Variants in FAM193B observed in about 807,000 individuals in gnomAD.
The protein encoded by FAM193B is protein FAM193B.
FAM193B carries 27 observed loss-of-function variants against 70.7 expected under a neutral mutation model. The ratio of observed to expected loss-of-function variants is 0.38; its 90% CI spans 0.28 to 0.53. The LOEUF (loss-of-function observed/expected upper bound fraction) is 0.53, where lower values mean the gene tolerates loss of function less well. Among genes scored for constraint, FAM193B ranks in the 20% least tolerant of loss-of-function variants. The pLI is 0.81. For synonymous variants in FAM193B, 448 were observed against 436.0 expected (o/e 1.03, Z -0.34); for missense variants, 1,022 against 1,072.5 (o/e 0.95, Z 0.66).
In FAM193B at chr5:177,519,898, AAG is replaced by A. The variant is rs895409541; in HGVS notation, c.*283_*284del. The A allele has an allele frequency of 6.6e-6, 1 of 152,196 alleles. No homozygotes were observed. The highest frequency in any genetic ancestry group is 1.5e-5 in the Non-Finnish European group (1 of 68,036). 9.4% of individuals were successfully genotyped at this position (152,196 alleles called of 1,614,324 possible). On this transcript the variant is annotated 3_prime_UTR_variant, in exon 9 of 9. Coordinates refer to ENST00000514747, the MANE Select transcript of FAM193B (RefSeq NM_001190946.3). ...AACAAAAACAAAAAAACCAAACACA[AAG>A]AGAGCAGTGTTGGGCCAGCAGTACC...
At position 177,531,598 on chromosome 5, in the gene FAM193B, G is replaced by A. The variant is rs1333813130; in HGVS notation, c.1275+845C>T. 3 of 1,125,518 alleles carry A rather than the reference G, an allele frequency of 2.7e-6. No homozygotes were observed. In the African/African-American group the frequency reaches 4.9e-5, roughly 18 times the overall value. The allele number at this position is 1,125,518 out of a possible 1,614,324, so 69.7% of individuals were successfully genotyped here. A position where few individuals can be genotyped will look rare whatever the true frequency, so the allele number is the denominator to read the frequency against. ...CAGCACTCCCTCCCACGGGCACCAA[G>A]TATGTGATGAGAAGCAAGACAACTG... On this transcript the variant is annotated intron_variant, in intron 5 of 8. Coordinates refer to ENST00000514747, the MANE Select transcript of FAM193B (RefSeq NM_001190946.3).
chr5:177,521,887 C>G, intron 8 of FAM193B, 87 bp downstream of exon 8: 1 of 1,033,746 alleles, frequency 9.7e-7, no homozygotes, highest in Non-Finnish European at 1.5e-6. Context: ...CCCTGTGCCC[C>G]AGAGCACAGA....
chr5:177,541,284 T>C (rs578257962), intron 1 of FAM193B, among the ~76,000 whole-genome samples: 2 of 152,242 alleles, frequency 1.3e-5, no homozygotes, highest in Non-Finnish European at 2.9e-5. Context: ...TAGAGTCCCT[T>C]TTCCTGCCAT....
rs532524603 is a variant in FAM193B at position 177,523,821 on chromosome 5, G to C, written c.2372+136C>G. On this transcript the variant is annotated intron_variant, in intron 7 of 8. Transcript: ENST00000514747. ...AGGCAGGCTGGTGGGAGAGGGCCTG[G>C]GGGGGCGGTGAGCCTCCCCAAGGGG... 2.5e-5 allele frequency: 23 copies of C among 917,284 alleles called. No individual in the cohort carries two copies. The South Asian group carries it at 2.8e-4, about 11-fold the overall frequency. The allele number at this position is 917,284 out of a possible 1,614,324, so 56.8% of individuals were successfully genotyped here.
intron 5 of FAM193B, among the ~76,000 whole-genome samples, chr5:177,527,035 AAC>A (rs1762716517): frequency 6.6e-6 from 1 of 152,236 alleles, no homozygotes; most frequent in African/African-American, 2.4e-5. Context: ...AGATGCTCCC[AAC>A]ACAGACTGGT....
At chr5:177,548,358 G>A (rs1765751225) in intron 1 of FAM193B, among the ~76,000 whole-genome samples, 1 of 152,214 alleles carries the variant, frequency 6.6e-6, no homozygotes, top group Admixed American at 6.5e-5. Context: ...GTAGGCACAG[G>A]TAAGTGTTTG....
chr5:177,531,812 C>T (rs1763506400), intron 5 of FAM193B: 2 of 1,047,726 alleles, frequency 1.9e-6, no homozygotes, highest in South Asian at 3.3e-5. Context: ...GGGCGAGTCA[C>T]CGAGTCTTTG....
At chr5:177,550,294 G>A (rs1043097406) in intron 1 of FAM193B, among the ~76,000 whole-genome samples, 1 of 152,162 alleles carries the variant, frequency 6.6e-6, no homozygotes, top group African/African-American at 2.4e-5. Flanking sequence ...TCCTCCTACT[G>A]ACAATGGAAG....
intron 1 of FAM193B, among the ~76,000 whole-genome samples, chr5:177,549,485 G>A (rs1395246022): frequency 2.0e-5 from 3 of 152,096 alleles, no homozygotes; most frequent in Admixed American, 6.6e-5. Context: ...GAGCCACCGC[G>A]CCCAGCCTGG....
At chr5:177,548,721 T>C (rs1234592373) in intron 1 of FAM193B, among the ~76,000 whole-genome samples, 1 of 152,076 alleles carries the variant, frequency 6.6e-6, no homozygotes, top group Non-Finnish European at 1.5e-5. Context: ...AAGGGAGAGG[T>C]GGAATCAAGC....
Position 177,524,840 on chromosome 5 carries a change from TA to T in FAM193B, c.1640del (p.Leu547TyrfsTer14). 6.6e-7 allele frequency: 1 copy of T among 1,512,420 alleles called. No homozygotes were observed. Among genetic ancestry groups the T allele is most frequent in the Non-Finnish European group, 8.8e-7 (1 of 1,133,156 alleles). The allele number at this position is 1,512,420 out of a possible 1,614,324, so 93.7% of individuals were successfully genotyped here. On this transcript the variant is annotated frameshift_variant, in exon 6 of 9. Transcript: ENST00000514747. LOFTEE classifies it high-confidence loss of function. The part of the protein sequence containing the change: ...LTLGSPQNHT[L>X]QAPGEPAPPW... ...GTGGGGCTGGCTCGCCTGGAGCTTGTAACGTGTGGTTCTGAGGGGAGCCCAA... is the reference window on the plus strand; with the variant it reads ...GTGGGGCTGGCTCGCCTGGAGCTTGTACGTGTGGTTCTGAGGGGAGCCCAA...
chr5:177,547,509 C>T (rs1341540035), intron 1 of FAM193B, among the ~76,000 whole-genome samples: 1 of 151,386 alleles, frequency 6.6e-6, no homozygotes, highest in Non-Finnish European at 1.5e-5. Flanking sequence ...TGGTCTCGAT[C>T]TCCTGACCTC....
chr5:177,528,878 T>C (rs1763033030), intron 5 of FAM193B, among the ~76,000 whole-genome samples: 1 of 152,128 alleles, frequency 6.6e-6, no homozygotes, highest in African/African-American at 2.4e-5. Context: ...GTGCTTTTCT[T>C]GAGCTGTAGA....
intron 5 of FAM193B, among the ~76,000 whole-genome samples, chr5:177,529,887 A>G (rs1263603442): frequency 6.6e-6 from 1 of 152,138 alleles, no homozygotes; most frequent in Non-Finnish European, 1.5e-5. Flanking sequence ...AGTGCTGACC[A>G]CCTTCAGAAG....
intron 1 of FAM193B, chr5:177,553,801 C>T: frequency 7.8e-7 from 1 of 1,286,872 alleles, no homozygotes. Context: ...CGGCTGCAGG[C>T]GCTGCAGGGG....
intron 1 of FAM193B, among the ~76,000 whole-genome samples, chr5:177,550,921 C>A (rs1766140090): frequency 6.6e-6 from 1 of 152,184 alleles, no homozygotes; most frequent in Non-Finnish European, 1.5e-5. Flanking sequence ...AACTTAATTC[C>A]TGGGTTCAAG....
intron 4 of FAM193B, among the ~76,000 whole-genome samples, chr5:177,533,311 T>C (rs1156655403): frequency 6.6e-6 from 1 of 151,978 alleles, no homozygotes; most frequent in Non-Finnish European, 1.5e-5. Context: ...TCGGCATTTT[T>C]TTTTTTTTTT....
chr5:177,536,487 CTGG>C lies in FAM193B; in HGVS notation c.944_946del (p.Thr315del). The stretch of plus-strand genomic sequence containing the variant: ...TGGGGGCATCTTCAGGAGCGGCATG[CTGG>C]TGGAGGGTAGATGGGAGCTCTGACA... On this transcript the variant is annotated inframe_deletion, in exon 4 of 9. Transcript: ENST00000514747. The C allele has an allele frequency of 2.5e-6, 4 of 1,576,426 alleles. No individual in the cohort carries two copies. The East Asian group carries it at 9.2e-5, about 36-fold the overall frequency.
At chr5:177,523,476 T>G (rs888545694) in intron 7 of FAM193B, among the ~76,000 whole-genome samples, 2 of 152,214 alleles carry the variant, frequency 1.3e-5, no homozygotes, top group African/African-American at 4.8e-5. Context: ...CCTTTTCATC[T>G]TATCTGGCCA....
Sources: gnomAD v4.1 joint callset for allele counts (sites outside exome capture counted in the v4.1 genomes callset) on GRCh38, gnomAD v4.1.1 for gene constraint, MANE v1.5 for transcripts, NCBI Gene and HGNC (gene_info 2026-07-23, HGNC 2026-07-21) for gene names.